The following LAT2 variants were observed in gnomAD, a reference collection of about 807,000 sequenced individuals.
LAT2 encodes the protein linker for activation of T-cells family member 2.
In LAT2, 23 loss-of-function variants were observed where a neutral mutation model predicts 43.4. That is an observed-to-expected ratio of 0.53 (90% CI 0.38 to 0.75). The LOEUF (loss-of-function observed/expected upper bound fraction) is 0.75, where lower values mean the gene tolerates loss of function less well. Ranked by LOEUF, LAT2 falls within the 30% of genes least tolerant of loss-of-function variation. LAT2 has a pLI of 0.00. For missense variants in LAT2, 284 were observed against 310.2 expected (o/e 0.92, Z 0.64); for synonymous variants, 128 against 123.2 (o/e 1.04, Z -0.26).
At chr7:74,213,110 C>T (rs974768465) in intron 1 of LAT2, among the ~76,000 whole-genome samples, 4 of 151,678 alleles carry the variant, frequency 2.6e-5, no homozygotes. Context: ...GGAGCTCCTC[C>T]ATTATTATTA....
Position 74,221,617 on chromosome 7 carries a change from GTA to G in LAT2, c.333-16_333-15del, listed in dbSNP as rs368433065. On this transcript the variant is annotated intron_variant, in intron 9 of 13. Coordinates refer to ENST00000460943, the MANE Select transcript of LAT2 (RefSeq NM_032464.3). ...TCCAGCCTGCCCTGAAACCTGTGTTGTATATGTTTTCTTGGCCAGAGACCCCA... is the reference window on the plus strand; with the variant it reads ...TCCAGCCTGCCCTGAAACCTGTGTTGTATGTTTTCTTGGCCAGAGACCCCA... 5.0e-4 allele frequency: 809 copies of G among 1,611,348 alleles called. 7 individuals carry two copies. The East Asian group carries it at 0.014, about 28-fold the overall frequency.
Position 74,220,392 on chromosome 7 carries a change from G to C in LAT2, c.265+138G>C. The C allele has an allele frequency of 8.1e-7, 1 of 1,241,984 alleles. No individual in the cohort carries two copies. Among genetic ancestry groups the C allele is most frequent in the Non-Finnish European group, 1.2e-6 (1 of 866,816 alleles). The allele number at this position is 1,241,984 out of a possible 1,614,324, so 76.9% of individuals were successfully genotyped here. A position where few individuals can be genotyped will look rare whatever the true frequency, so the allele number is the denominator to read the frequency against. ...CTCCCCAGGAGAGACACACAGGCTG[G>C]GGCAGGGCAGGCTCCTGGAATCGGC... On this transcript the variant is annotated intron_variant, in intron 7 of 13. Transcript: ENST00000460943. This position sits in a 1 kb window ranked among gnomAD's most constrained non-coding sequence, Gnocchi z 4.5.
chr7:74,221,577 G>A, intron 9 of LAT2, 60 bp from the exon 10 acceptor site: 1 of 1,429,688 alleles, frequency 7.0e-7, no homozygotes, highest in Non-Finnish European at 9.8e-7. Context: ...CCCTTATGGA[G>A]CCCCCAACCC....
rs782225370 is a variant in LAT2, at chr7:74,221,622, T to C, written c.333-15T>C. ...CCTGCCCTGAAACCTGTGTTGTATA[T>C]GTTTTCTTGGCCAGAGACCCCATTG... On this transcript the variant is annotated splice_polypyrimidine_tract_variant and intron_variant, in intron 9 of 13. Transcript: ENST00000460943. 6 of 1,611,954 alleles carry C rather than the reference T, an allele frequency of 3.7e-6. No individual in the cohort carries two copies. In the South Asian group the frequency reaches 4.4e-5, roughly 12 times the overall value.
rs1167448135 is a variant in LAT2, at chr7:74,216,005, C to T, written c.30C>T (p.Pro10=). 6 of 1,613,792 alleles carry T rather than the reference C, an allele frequency of 3.7e-6. No homozygotes were observed. The highest frequency in any genetic ancestry group is 2.7e-5 in the African/African-American group (2 of 74,882). MSSGTELLW[P]GAALLVLLGV... ...GCTCGGGGACTGAACTGCTGTGGCC[C>T]GGAGCAGCGCTGCTGGTGCTGTTGG... The change falls in exon 3 of 14, where the codon CCC becomes CCT. Residue 10 remains proline, a synonymous_variant. Coordinates refer to ENST00000460943, the MANE Select transcript of LAT2 (RefSeq NM_032464.3).
rs1229529396 is a variant in LAT2, at chr7:74,220,956, G to A, written c.332+222G>A. ...TCTCTTAGGTAACCCTGGGTTTGGG[G>A]GACTGGACTTTGCCCTGCTCTGGGA... On this transcript the variant is annotated intron_variant, in intron 9 of 13. Transcript: ENST00000460943. This position sits in a 1 kb window ranked among gnomAD's most constrained non-coding sequence, Gnocchi z 4.5. Among the ~76,000 whole-genome samples the A allele has an allele frequency of 6.6e-6, 1 of 152,178 alleles. No individual in the cohort carries two copies. The highest frequency in any genetic ancestry group is 1.5e-5 in the Non-Finnish European group (1 of 68,030).
chr7:74,221,410 C>CCAA (rs1554715236), intron 9 of LAT2, among the ~76,000 whole-genome samples: 5 of 21,074 alleles, frequency 2.4e-4, no homozygotes, highest in African/African-American at 6.6e-4. Flanking sequence ...GACTCTGTCT[C>CCAA]AAAAAAAAAA....
In LAT2 at chr7:74,210,676, C is replaced by T. The variant is rs141940340; in HGVS notation, c.-219+588C>T. 2.0e-3 allele frequency among the ~76,000 whole-genome samples: 301 copies of T among 152,206 alleles called. 3 individuals are homozygous for T. The highest frequency in any genetic ancestry group is 1.3e-3 in the East Asian group (7 of 5,188). The stretch of plus-strand genomic sequence containing the variant: ...AAAAAGCAACAGGACCAGCCGGGCA[C>T]GGTGGCTCAACCTGTAATCCCAGCA... On this transcript the variant is annotated intron_variant, in intron 1 of 13. Transcript: ENST00000460943.
intron 13 of LAT2, among the ~76,000 whole-genome samples, chr7:74,227,699 G>A (rs979686284): frequency 1.3e-5 from 2 of 152,090 alleles, no homozygotes; most frequent in Non-Finnish European, 2.9e-5. Flanking sequence ...ATGGTGAAAC[G>A]CTGTCTCTAC....
chr7:74,227,550 G>T (rs1312413290), intron 13 of LAT2, among the ~76,000 whole-genome samples: 2 of 152,116 alleles, frequency 1.3e-5, no homozygotes, highest in Non-Finnish European at 1.5e-5. Flanking sequence ...AGACTGGCTG[G>T]ATGTTTCTAA....
intron 4 of LAT2, 101 bp from the exon 5 acceptor site, chr7:74,219,643 C>T: frequency 6.9e-7 from 1 of 1,440,814 alleles, no homozygotes; most frequent in South Asian, 1.1e-5. Context: ...GTCCGTCCCT[C>T]TGCTTTCCCT....
rs1301006690 is a variant in LAT2, at chr7:74,224,075, C to A, written c.506C>A (p.Ala169Asp). ...AGAGGGGACCTCAGCCTGTCACTGG[C>A]CCTGAAGACTGGCCCCACTTCTGGT... ...LCRGDLSLSL[A>D]LKTGPTSGLC... The change falls in exon 12 of 14, where the codon GCC (alanine) becomes GAC (aspartate). Residue 169 changes from alanine to aspartate, a missense_variant. Transcript: ENST00000460943. 6.2e-7 allele frequency: 1 copy of A among 1,614,036 alleles called. No homozygotes were observed. The highest frequency in any genetic ancestry group is 8.5e-7 in the Non-Finnish European group (1 of 1,180,006).
intron 3 of LAT2, 109 bp downstream of exon 3, chr7:74,216,178 C>T: frequency 1.1e-6 from 1 of 873,284 alleles, no homozygotes. Context: ...TCAGATGAAC[C>T]TCGTGATGTG....
intron 10 of LAT2, 58 bp from the exon 11 acceptor site, chr7:74,223,666 G>A (rs564727593): frequency 2.0e-6 from 3 of 1,511,040 alleles, no homozygotes; most frequent in East Asian, 2.3e-5. Flanking sequence ...GCGGGAGGAT[G>A]AGCCAGGCTT....
chr7:74,217,188 T>C (rs1235621679), intron 4 of LAT2, among the ~76,000 whole-genome samples: 1 of 152,050 alleles, frequency 6.6e-6, no homozygotes, highest in Non-Finnish European at 1.5e-5. Flanking sequence ...TCCCAGCACT[T>C]TGGGAGGCCA....
chr7:74,220,747 G>C lies in LAT2; in HGVS notation c.332+13G>C. On this transcript the variant is annotated intron_variant, in intron 9 of 13. Coordinates refer to ENST00000460943, the MANE Select transcript of LAT2 (RefSeq NM_032464.3). This position sits in a 1 kb window ranked among gnomAD's most constrained non-coding sequence, Gnocchi z 4.5. ...AGGAAGCCTACATGTGAGTGACCTT[G>C]ATCCTGTCCCCCCTGCCTCGCCTCT... The C allele has an allele frequency of 6.4e-7, 1 of 1,563,074 alleles. No individual in the cohort carries two copies. The highest frequency in any genetic ancestry group is 2.3e-5 in the East Asian group (1 of 43,356).
rs369465393 is a variant in LAT2, at chr7:74,219,126, T to C, written c.135-618T>C. 6.8e-4 allele frequency among the ~76,000 whole-genome samples: 97 copies of C among 142,120 alleles called. 1 individual carries two copies. The South Asian group carries it at 0.022, about 33-fold the overall frequency. The allele number at this position is 142,120 out of a possible 152,430, so 93.2% of individuals were successfully genotyped here. A position where few individuals can be genotyped will look rare whatever the true frequency, so the allele number is the denominator to read the frequency against. On this transcript the variant is annotated intron_variant, in intron 4 of 13. Transcript: ENST00000460943. The stretch of plus-strand genomic sequence containing the variant: ...ATCTCGGCTCACTGCAAGCTCCGCT[T>C]CCCGGGTTCACGCCATTCTCCTGCC...
rs1172780605 is a variant in LAT2, at chr7:74,228,013, T to C, written c.*19-931T>C. Among the ~76,000 whole-genome samples, 5 of 143,738 alleles carry C rather than the reference T, an allele frequency of 3.5e-5. No individual in the cohort carries two copies. The South Asian group carries it at 6.6e-4, about 19-fold the overall frequency. 94.3% of individuals were successfully genotyped at this position (143,738 alleles called of 152,430 possible). ...CAACATGGGGAAACCCCATCTCTAC[T>C]AAAAATACAAAAATTAGCCAGGTGT... is the stretch of plus-strand genomic sequence containing the variant. On this transcript the variant is annotated intron_variant, in intron 13 of 13. Transcript: ENST00000460943.
At chr7:74,214,569 TATGAAAATATATATATAA>T (rs1554713853) in intron 1 of LAT2, among the ~76,000 whole-genome samples, 36 of 854 alleles carry the variant, frequency 0.042, 10 homozygotes, top group African/African-American at 0.066. Flanking sequence ...AATATATATA[TATGAAAATATATATATAA>T]ATATATATAT....
Sources: allele counts gnomAD v4.1 joint callset (sites outside exome capture counted in the v4.1 genomes callset), GRCh38; gene constraint gnomAD v4.1.1; non-coding constraint Gnocchi (gnomAD v3.1); transcripts MANE v1.5; gene names NCBI Gene and HGNC (gene_info 2026-07-23, HGNC 2026-07-21).